The following PCNX1 variants were observed in gnomAD, a reference collection of about 807,000 sequenced individuals.
PCNX1 encodes pecanex 1, also known as pecanex-like protein 1.
In PCNX1, 78 loss-of-function variants were observed where a neutral mutation model predicts 242.2. That is an observed-to-expected ratio of 0.32 (90% confidence interval 0.27 to 0.39). PCNX1 has a LOEUF of 0.39. PCNX1 is among the 10% of genes least tolerant of loss of function. The pLI is 1.00. For missense variants in PCNX1, 2,581 were observed against 2,856.5 expected (o/e 0.90, Z 2.20); for synonymous variants, 1,024 against 1,032.9 (o/e 0.99, Z 0.17).
chr14:70,948,556 AATGT>A (rs1437499376), intron 2 of PCNX1, among the ~76,000 whole-genome samples: 4 of 151,666 alleles, frequency 2.6e-5, no homozygotes, highest in African/African-American at 9.7e-5. Context: ...ATATAAATAA[AATGT>A]ATGTGTGTGT....
intron 2 of PCNX1, among the ~76,000 whole-genome samples, chr14:70,955,557 G>A (rs2526847): frequency 0.44 from 67,260 of 151,994 alleles, 16,263 homozygotes; most frequent in Non-Finnish European, 0.55. Flanking sequence ...GCCTTTCCCT[G>A]TACCTGGTTT....
Position 70,988,640 on chromosome 14 carries a change from C to G in PCNX1, c.2385C>G (p.Arg795=). 6.2e-7 allele frequency: 1 copy of G among 1,614,120 alleles called. No individual in the cohort carries two copies. Among genetic ancestry groups the G allele is most frequent in the Non-Finnish European group, 8.5e-7 (1 of 1,179,980 alleles). Residue 795 remains arginine (R), a synonymous_variant, in exon 7 of 36, where the codon CGC becomes CGG. Coordinates refer to ENST00000304743, the MANE Select transcript of PCNX1 (RefSeq NM_014982.3). Reference sequence around the variant, plus strand: ...CATTTAGGCGCCAGGCAGTACGGCGCCGGCACAATGCAGGGAGTAACCCTA... The same window carrying G: ...CATTTAGGCGCCAGGCAGTACGGCGGCGGCACAATGCAGGGAGTAACCCTA... ...RSTFRRQAVR[R]RHNAGSNPTP... is the part of the protein sequence containing the mutation.
intron 8 of PCNX1, among the ~76,000 whole-genome samples, chr14:70,997,114 A>G (rs1332459189): frequency 6.6e-6 from 1 of 152,174 alleles, no homozygotes; most frequent in Non-Finnish European, 1.5e-5. Flanking sequence ...AAGAATATTT[A>G]TAAGGAGGCT....
intron 1 of PCNX1, among the ~76,000 whole-genome samples, chr14:70,915,472 A>T (rs1178569906): frequency 6.6e-6 from 1 of 152,216 alleles, no homozygotes; most frequent in East Asian, 1.9e-4. Flanking sequence ...AGTTTTAAAT[A>T]CTACTTTGAT....
At chr14:70,941,096 GTTA>G (rs1388697236) in intron 1 of PCNX1, among the ~76,000 whole-genome samples, 1 of 152,168 alleles carries the variant, frequency 6.6e-6, no homozygotes, top group Non-Finnish European at 1.5e-5. Context: ...GGAGAAGTTT[GTTA>G]TTACTGATCT....
intron 27 of PCNX1, among the ~76,000 whole-genome samples, chr14:71,075,963 A>T (rs566844961): frequency 2.0e-5 from 3 of 152,220 alleles, no homozygotes; most frequent in African/African-American, 7.2e-5. Flanking sequence ...GTGATTTTAA[A>T]GTATTAGATG....
chr14:70,964,348 T>C (rs1033794506), intron 3 of PCNX1, among the ~76,000 whole-genome samples: 1 of 152,214 alleles, frequency 6.6e-6, no homozygotes, highest in Non-Finnish European at 1.5e-5. Flanking sequence ...ATTACAGATG[T>C]GAGTCACCAT....
intron 7 of PCNX1, among the ~76,000 whole-genome samples, chr14:70,994,396 GATATATATATAT>G (rs35068772): frequency 0.079 from 7,686 of 96,978 alleles, 724 homozygotes; most frequent in Non-Finnish European, 0.11. Context: ...ACAGGCTTAA[GATATATATATAT>G]ATATATATAT....
chr14:70,961,216 T>G (rs1339441638), intron 2 of PCNX1, among the ~76,000 whole-genome samples: 2 of 152,128 alleles, frequency 1.3e-5, no homozygotes, highest in Non-Finnish European at 2.9e-5. Flanking sequence ...AAGTCAATCC[T>G]AAGCCAAAAG....
chr14:71,026,568 C>G (rs1012207976), intron 14 of PCNX1, among the ~76,000 whole-genome samples: 1 of 151,970 alleles, frequency 6.6e-6, no homozygotes, highest in African/African-American at 2.4e-5. Flanking sequence ...GTTGAAATAA[C>G]TTTAAAAAGT....
At chr14:70,919,207 C>T (rs532590116) in intron 1 of PCNX1, among the ~76,000 whole-genome samples, 1 of 152,162 alleles carries the variant, frequency 6.6e-6, no homozygotes, top group Admixed American at 6.5e-5. Flanking sequence ...AATGAAACAT[C>T]CAGTAATAAG....
Position 71,076,296 on chromosome 14 carries a change from G to A in PCNX1, c.5214G>A (p.Val1738=). The stretch of plus-strand genomic sequence containing the variant: ...GTGCTGATCGCAATTATGTCGATGT[G>A]GACCCGACCTTTAATCCAAACATTG... ...RLCADRNYVD[V]DPTFNPNIDE... Residue 1738 remains valine (V), a synonymous_variant, in exon 28 of 36, where the codon GTG becomes GTA. Coordinates refer to ENST00000304743, the MANE Select transcript of PCNX1 (RefSeq NM_014982.3). 11 of 1,613,866 alleles carry A rather than the reference G, an allele frequency of 6.8e-6. No homozygotes were observed. The highest frequency in any genetic ancestry group is 9.3e-6 in the Non-Finnish European group (11 of 1,179,812).
At chr14:70,972,719 TG>T (rs1186165318) in intron 5 of PCNX1, among the ~76,000 whole-genome samples, 1 of 152,150 alleles carries the variant, frequency 6.6e-6, no homozygotes, top group East Asian at 1.9e-4. Flanking sequence ...TCAGGATGAC[TG>T]GGGGAAAACA....
rs1010993637 is a variant in PCNX1, at chr14:71,106,199, C to A, written c.6301+759C>A. ...CAACTAATTTTTTTTTTGTATTTTT[C>A]GTAGAGACGAGGTTTCAACCATGTT... On this transcript the variant is annotated intron_variant, in intron 33 of 35. Transcript: ENST00000304743. 7.9e-5 allele frequency among the ~76,000 whole-genome samples: 12 copies of A among 151,158 alleles called. No individual in the cohort carries two copies. In the East Asian group the frequency reaches 1.4e-3, roughly 17 times the overall value.
intron 2 of PCNX1, 115 bp downstream of exon 2, chr14:70,947,238 A>G: frequency 2.7e-6 from 2 of 741,382 alleles, no homozygotes; most frequent in East Asian, 2.7e-5. Flanking sequence ...GCAGTGTTAG[A>G]TCTTACCACT....
At position 71,052,012 on chromosome 14, in the gene PCNX1, A is replaced by C; in HGVS notation, c.4577A>C (p.Asn1526Thr). 1 of 1,606,610 alleles carries C rather than the reference A, an allele frequency of 6.2e-7. No individual in the cohort carries two copies. The highest frequency in any genetic ancestry group is 8.5e-7 in the Non-Finnish European group (1 of 1,177,238). The change falls in exon 24 of 36, where the codon AAC becomes ACC. Residue 1526 changes from asparagine to threonine, a missense_variant and splice_region_variant. This residue lies in a region of PCNX1 where 99 missense variants were observed against 147.3 expected (regional missense o/e 0.67). Transcript: ENST00000304743. Reference sequence around the variant, plus strand: ...GTGAAATTCTGGGAGAGAGACTATAAGTGAGTAAAGTAAAACACTTGAAAA... The same window carrying C: ...GTGAAATTCTGGGAGAGAGACTATACGTGAGTAAAGTAAAACACTTGAAAA... ...RPVKFWERDY[N>T]TKRVDHSNTR...
chr14:71,049,154 T>A, intron 22 of PCNX1: 1 of 811,120 alleles, frequency 1.2e-6, no homozygotes, highest in Non-Finnish European at 1.5e-6. Context: ...AAGTAAATAA[T>A]CTTTGAAATG....
At chr14:70,975,300 A>C (rs1284290387) in intron 5 of PCNX1, among the ~76,000 whole-genome samples, 1 of 151,724 alleles carries the variant, frequency 6.6e-6, no homozygotes, top group African/African-American at 2.4e-5. Flanking sequence ...AGATATAAGA[A>C]CGCAACTACA....
At chr14:71,052,482 G>C (rs1239880563) in intron 24 of PCNX1, among the ~76,000 whole-genome samples, 1 of 152,060 alleles carries the variant, frequency 6.6e-6, no homozygotes, top group Non-Finnish European at 1.5e-5. Context: ...CAAAGTGTTA[G>C]GATCACAGGC....
Sources: allele counts gnomAD v4.1 joint callset (sites outside exome capture counted in the v4.1 genomes callset), GRCh38; gene constraint gnomAD v4.1.1; regional missense constraint gnomAD v4.1.1; transcripts MANE v1.5; gene names NCBI Gene and HGNC (gene_info 2026-07-23, HGNC 2026-07-21).